NUBPL: variants seen among roughly 807,000 people sequenced by gnomAD.
The protein encoded by NUBPL is NUBP iron-sulfur cluster assembly factor, mitochondrial, also known as iron-sulfur cluster transfer protein NUBPL.
Under a neutral mutation model 45.7 loss-of-function variants are expected in NUBPL, and 31 were observed. That is an observed-to-expected ratio of 0.68 (90% confidence interval 0.51 to 0.92). NUBPL has a LOEUF of 0.92. Ranked by LOEUF, NUBPL falls within the 40% of genes least tolerant of loss-of-function variation. The probability of loss-of-function intolerance (pLI) is 0.00; values close to 1 mark genes in which losing one functional copy is unlikely to be tolerated. For synonymous variants in NUBPL, 144 were observed against 140.9 expected, an observed-to-expected ratio of 1.02 and a Z score of -0.15; for missense variants, 401 against 398.7, an observed-to-expected ratio of 1.01 and a Z score of -0.05.
rs1448538341 is a variant in NUBPL at position 31,672,272 on chromosome 14, TATGTG to T, written c.383-1082_383-1078del. Among the ~76,000 whole-genome samples the T allele has an allele frequency of 2.1e-4, 11 of 53,186 alleles. No homozygotes were observed. The East Asian group carries it at 6.3e-3, about 30-fold the overall frequency. 34.9% of individuals were successfully genotyped at this position (53,186 alleles called of 152,430 possible). A position where few individuals can be genotyped will look rare whatever the true frequency, so the allele number is the denominator to read the frequency against. ...TCCAGTGTAGGAAGGACTGATTAGA[TATGTG>T]TGTGTGTGTGTGTGTGTGTGTGTGT... On this transcript the variant is annotated intron_variant, in intron 4 of 10. Transcript: ENST00000281081.
rs1168384384 is a variant in NUBPL at position 31,689,018 on chromosome 14, A to C, written c.513+15444A>C. ...TCTCATTTTTTTTTTTTGTGGCTGCATTGTATTCCATGGTGTATATGTACC... is the reference window on the plus strand; with the variant it reads ...TCTCATTTTTTTTTTTTGTGGCTGCCTTGTATTCCATGGTGTATATGTACC... On this transcript the variant is annotated intron_variant, in intron 6 of 10. Transcript: ENST00000281081. Among the ~76,000 whole-genome samples, 42 of 150,940 alleles carry C rather than the reference A, an allele frequency of 2.8e-4. No individual in the cohort carries two copies. The East Asian group carries it at 5.2e-3, about 19-fold the overall frequency.
chr14:31,715,321 T>C (rs1410425192), intron 6 of NUBPL, among the ~76,000 whole-genome samples: 1 of 152,224 alleles, frequency 6.6e-6, no homozygotes, highest in Non-Finnish European at 1.5e-5. Flanking sequence ...TTTTATAGGC[T>C]TAGAAACTAA....
intron 9 of NUBPL, among the ~76,000 whole-genome samples, chr14:31,847,291 G>A (rs563667221): frequency 3.9e-5 from 6 of 152,260 alleles, no homozygotes; most frequent in African/African-American, 7.2e-5. Flanking sequence ...AAAAGTGTTC[G>A]TTCTTAGTGC....
At chr14:31,739,252 A>T (rs866246334) in intron 6 of NUBPL, among the ~76,000 whole-genome samples, 4,933 of 110,772 alleles carry the variant, frequency 0.045, 129 homozygotes, top group Admixed American at 0.07. Context: ...ATATATATAT[A>T]TTTTTTTTTT....
chr14:31,751,539 A>C (rs2038529796), intron 6 of NUBPL, among the ~76,000 whole-genome samples: 1 of 152,254 alleles, frequency 6.6e-6, no homozygotes, highest in East Asian at 1.9e-4. Context: ...CATTTAGGGC[A>C]TGCTGATGCA....
chr14:31,618,458 G>A (rs774441751), intron 4 of NUBPL, among the ~76,000 whole-genome samples: 1 of 152,170 alleles, frequency 6.6e-6, no homozygotes, highest in Non-Finnish European at 1.5e-5. Context: ...GTGTCCCAGA[G>A]ATTCTGGTAT....
chr14:31,570,650 C>T (rs1458862695), intron 3 of NUBPL, among the ~76,000 whole-genome samples: 1 of 152,194 alleles, frequency 6.6e-6, no homozygotes, highest in African/African-American at 2.4e-5. Context: ...CCTATCTCTA[C>T]AATATTTTTC....
chr14:31,793,779 T>C (rs1019012586), intron 7 of NUBPL, among the ~76,000 whole-genome samples: 9 of 152,074 alleles, frequency 5.9e-5, no homozygotes, highest in Admixed American at 5.9e-4. Context: ...AAAGCTAGTC[T>C]GACTAGCTAT....
intron 7 of NUBPL, among the ~76,000 whole-genome samples, chr14:31,816,557 C>T (rs1403443571): frequency 2.0e-5 from 3 of 151,770 alleles, no homozygotes; most frequent in African/African-American, 7.3e-5. Flanking sequence ...TTAGTTATTT[C>T]TTGTCTTCTG....
At position 31,860,673 on chromosome 14, in the gene NUBPL, T is replaced by G. The variant is rs2040699120; in HGVS notation, c.*1493T>G. The G allele has an allele frequency of 6.6e-6, 1 of 152,164 alleles. No homozygotes were observed. The highest frequency in any genetic ancestry group is 1.5e-5 in the Non-Finnish European group (1 of 68,034). 9.4% of individuals were successfully genotyped at this position (152,164 alleles called of 1,614,324 possible). ...GAGTTTCACATTATTATAAGCATGT[T>G]TTCACACAAAAACATGTACATTGAT... On this transcript the variant is annotated 3_prime_UTR_variant, in exon 11 of 11. Coordinates refer to ENST00000281081, the MANE Select transcript of NUBPL (RefSeq NM_025152.3).
intron 3 of NUBPL, among the ~76,000 whole-genome samples, chr14:31,571,010 A>G (rs1045248189): frequency 1.4e-4 from 21 of 152,202 alleles, no homozygotes; most frequent in Admixed American, 4.6e-4. Flanking sequence ...TCTGGCTTCA[A>G]TCTACCTTTC....
rs138566484 is a variant in NUBPL at position 31,703,574 on chromosome 14, C to T, written c.513+30000C>T. Reference sequence around the variant, plus strand: ...AGCAAGTTACCTCTTACATGGATGGCCGCAGACAGAGAGCTTGTGCAGGGA... The same window carrying T: ...AGCAAGTTACCTCTTACATGGATGGTCGCAGACAGAGAGCTTGTGCAGGGA... On this transcript the variant is annotated intron_variant, in intron 6 of 10. Transcript: ENST00000281081. Among the ~76,000 whole-genome samples, 61 of 152,280 alleles carry T rather than the reference C, an allele frequency of 4.0e-4. 1 individual carries two copies. In the East Asian group the frequency reaches 0.011, roughly 27 times the overall value.
intron 8 of NUBPL, among the ~76,000 whole-genome samples, chr14:31,827,487 G>T (rs771240359): frequency 2.0e-5 from 3 of 152,080 alleles, no homozygotes; most frequent in Non-Finnish European, 4.4e-5. Flanking sequence ...TAAATACAGG[G>T]TTCTTCCTTC....
At chr14:31,636,075 C>A (rs1368545079) in intron 4 of NUBPL, among the ~76,000 whole-genome samples, 2 of 151,260 alleles carry the variant, frequency 1.3e-5, no homozygotes. Flanking sequence ...AATTGAATAC[C>A]CTTTATTTCC....
At chr14:31,840,225 A>T (rs2040346589) in intron 8 of NUBPL, among the ~76,000 whole-genome samples, 1 of 152,216 alleles carries the variant, frequency 6.6e-6, no homozygotes. Flanking sequence ...GATTTTAAAA[A>T]TGTGTACACA....
intron 6 of NUBPL, among the ~76,000 whole-genome samples, chr14:31,776,364 A>T (rs2039098023): frequency 6.6e-6 from 1 of 152,210 alleles, no homozygotes. Flanking sequence ...GATCTGTTTG[A>T]CTGCACAGAT....
At chr14:31,688,344 G>A (rs1265049249) in intron 6 of NUBPL, among the ~76,000 whole-genome samples, 9 of 152,032 alleles carry the variant, frequency 5.9e-5, no homozygotes, top group Non-Finnish European at 1.0e-4. Flanking sequence ...TTGGCAGGCC[G>A]AAGTGGGCAG....
chr14:31,736,253 T>C (rs1164152028), intron 6 of NUBPL, among the ~76,000 whole-genome samples: 1 of 152,246 alleles, frequency 6.6e-6, no homozygotes, highest in Non-Finnish European at 1.5e-5. Flanking sequence ...GAAAACACTT[T>C]AATCATTTAT....
chr14:31,772,682 G>T (rs1186835469), intron 6 of NUBPL, among the ~76,000 whole-genome samples: 1 of 152,152 alleles, frequency 6.6e-6, no homozygotes, highest in Non-Finnish European at 1.5e-5. Flanking sequence ...TGAGTTGATG[G>T]TGTCTTCAGA....
Sources: allele counts gnomAD v4.1 joint callset (sites outside exome capture counted in the v4.1 genomes callset), GRCh38; gene constraint gnomAD v4.1.1; transcripts MANE v1.5; gene names NCBI Gene and HGNC (gene_info 2026-07-23, HGNC 2026-07-21).